The following KCNH1 variants were observed in gnomAD, a reference collection of about 807,000 sequenced individuals.
The protein encoded by KCNH1 is voltage-gated delayed rectifier potassium channel KCNH1.
In KCNH1, 27 loss-of-function variants were observed where a neutral mutation model predicts 69.2. The ratio of observed to expected loss-of-function variants is 0.39; its 90% CI spans 0.29 to 0.54. KCNH1 has a LOEUF of 0.54. Ranked by LOEUF, KCNH1 falls within the 20% of genes least tolerant of loss-of-function variation. KCNH1 has a pLI of 0.68. For missense variants in KCNH1, 798 were observed against 1,261.6 expected (o/e 0.63, Z 5.57); for synonymous variants, 456 against 487.7 (o/e 0.93, Z 0.86).
At chr1:211,042,280 G>A (rs1690009185) in intron 5 of KCNH1, among the ~76,000 whole-genome samples, 1 of 152,034 alleles carries the variant, frequency 6.6e-6, no homozygotes, top group Non-Finnish European at 1.5e-5. Context: ...ATACTCATCA[G>A]GAATTGTAAT....
At chr1:211,121,615 G>T (rs1286394860) in intron 1 of KCNH1, among the ~76,000 whole-genome samples, 6 of 152,242 alleles carry the variant, frequency 3.9e-5, no homozygotes, top group Non-Finnish European at 8.8e-5. Flanking sequence ...CAGGACATGG[G>T]CATGGGCAAA....
chr1:210,901,361 A>C (rs1686992020), intron 7 of KCNH1, among the ~76,000 whole-genome samples: 1 of 152,102 alleles, frequency 6.6e-6, no homozygotes, highest in South Asian at 2.1e-4. Context: ...AGCTCACCTC[A>C]GTTCTCACCT....
chr1:211,100,871 T>G (rs1398694031), intron 3 of KCNH1, among the ~76,000 whole-genome samples: 1 of 152,220 alleles, frequency 6.6e-6, no homozygotes, highest in African/African-American at 2.4e-5. Flanking sequence ...TCAGATCCTT[T>G]GCTAGACCCT....
intron 10 of KCNH1, among the ~76,000 whole-genome samples, chr1:210,740,061 G>A (rs1483358447): frequency 6.6e-6 from 1 of 152,154 alleles, no homozygotes; most frequent in African/African-American, 2.4e-5. Context: ...AGGGACAGGA[G>A]CTAAGTAAAG....
chr1:210,690,432 C>T (rs1196826267), intron 10 of KCNH1, among the ~76,000 whole-genome samples: 1 of 152,212 alleles, frequency 6.6e-6, no homozygotes, highest in Non-Finnish European at 1.5e-5. Context: ...AATATCCCCA[C>T]AGGCTCACTT....
At chr1:210,762,203 T>C (rs1683537293) in intron 10 of KCNH1, among the ~76,000 whole-genome samples, 1 of 151,946 alleles carries the variant, frequency 6.6e-6, no homozygotes, top group Non-Finnish European at 1.5e-5. Context: ...CATGACATAC[T>C]AAAATCTCTG....
At chr1:210,714,910 G>A (rs1682186980) in intron 10 of KCNH1, among the ~76,000 whole-genome samples, 1 of 152,170 alleles carries the variant, frequency 6.6e-6, no homozygotes, top group Admixed American at 6.5e-5. Context: ...TGCTCTGATG[G>A]TGCTCTGGAT....
intron 7 of KCNH1, among the ~76,000 whole-genome samples, chr1:210,891,659 T>C (rs1031793506): frequency 1.3e-5 from 2 of 152,212 alleles, no homozygotes; most frequent in Non-Finnish European, 2.9e-5. Context: ...AATGTGGCGA[T>C]TCTTCAAGGA....
intron 7 of KCNH1, among the ~76,000 whole-genome samples, chr1:210,843,777 G>T (rs1419038065): frequency 2.0e-5 from 3 of 152,164 alleles, no homozygotes; most frequent in Non-Finnish European, 2.9e-5. Flanking sequence ...TAGAAACACA[G>T]CTATCAGCGT....
At position 210,925,789 on chromosome 1, in the gene KCNH1, A is replaced by G. The variant is rs569389877; in HGVS notation, c.1033-5720T>C. 3.3e-5 allele frequency among the ~76,000 whole-genome samples: 5 copies of G among 152,300 alleles called. No homozygotes were observed. In the South Asian group the frequency reaches 1.0e-3, roughly 32 times the overall value. Reference sequence around the variant, plus strand: ...TGTCCCAAGCTGGTGGTCTTTCTCTACCAGCCCTGGTAACCAAAGGTCATA... The same window carrying G: ...TGTCCCAAGCTGGTGGTCTTTCTCTGCCAGCCCTGGTAACCAAAGGTCATA... On this transcript the variant is annotated intron_variant, in intron 6 of 10. Coordinates refer to ENST00000271751, the MANE Select transcript of KCNH1 (RefSeq NM_172362.3).
intron 10 of KCNH1, among the ~76,000 whole-genome samples, chr1:210,764,827 T>C (rs1252941262): frequency 2.0e-5 from 3 of 152,052 alleles, no homozygotes; most frequent in Admixed American, 6.5e-5. Context: ...AAAAATAGAA[T>C]TACCATTCGA....
chr1:210,857,538 G>C (rs956874340), intron 7 of KCNH1, among the ~76,000 whole-genome samples: 4 of 152,106 alleles, frequency 2.6e-5, no homozygotes, highest in Non-Finnish European at 5.9e-5. Flanking sequence ...ATACCCAAAT[G>C]GGTGATTTGT....
intron 7 of KCNH1, among the ~76,000 whole-genome samples, chr1:210,854,661 A>T (rs1471479543): frequency 6.6e-6 from 1 of 152,232 alleles, no homozygotes; most frequent in Non-Finnish European, 1.5e-5. Context: ...AGGTGTGGGC[A>T]TTGTGGCCAT....
At chr1:210,689,428 G>C (rs1681481538) in intron 10 of KCNH1, among the ~76,000 whole-genome samples, 1 of 152,206 alleles carries the variant, frequency 6.6e-6, no homozygotes, top group South Asian at 2.1e-4. Context: ...GAGGGGAATG[G>C]ACTTGCTGGT....
At chr1:210,982,426 C>CA (rs1345155739) in intron 6 of KCNH1, among the ~76,000 whole-genome samples, 1 of 152,044 alleles carries the variant, frequency 6.6e-6, no homozygotes, top group East Asian at 1.9e-4. Context: ...CCCTTCCCCC[C>CA]ACTCCACACC....
chr1:210,741,850 G>A (rs1450426377), intron 10 of KCNH1, among the ~76,000 whole-genome samples: 2 of 152,174 alleles, frequency 1.3e-5, no homozygotes, highest in South Asian at 2.1e-4. Flanking sequence ...TGACATCAGT[G>A]TGGGGATATT....
At chr1:210,831,062 C>G (rs1685151912) in intron 7 of KCNH1, among the ~76,000 whole-genome samples, 1 of 152,192 alleles carries the variant, frequency 6.6e-6, no homozygotes, top group Admixed American at 6.5e-5. Context: ...TATGGTCCCT[C>G]AATTCTAAGT....
chr1:211,104,095 T>C (rs1220716701), intron 2 of KCNH1, among the ~76,000 whole-genome samples: 16 of 152,224 alleles, frequency 1.1e-4, no homozygotes, highest in Admixed American at 1.0e-3. Context: ...ACCCTGATTA[T>C]AGTTCATTTC....
intron 6 of KCNH1, among the ~76,000 whole-genome samples, chr1:211,002,957 G>A (rs1393027): frequency 0.55 from 83,712 of 151,946 alleles, 23,656 homozygotes; most frequent in African/African-American, 0.67. Context: ...CAAAAAATGA[G>A]CCCTCCCACT....
Sources: allele counts gnomAD v4.1 joint callset (sites outside exome capture counted in the v4.1 genomes callset), GRCh38; gene constraint gnomAD v4.1.1; transcripts MANE v1.5; gene names NCBI Gene and HGNC (gene_info 2026-07-23, HGNC 2026-07-21).